Variants in COL22A1 observed in about 807,000 individuals in gnomAD.
The protein encoded by COL22A1 is collagen alpha-1(XXII) chain.
In COL22A1, 221 loss-of-function variants were observed where a neutral mutation model predicts 248.9. The observed-to-expected ratio is 0.89, with a 90% confidence interval of 0.80 to 0.99. The LOEUF (loss-of-function observed/expected upper bound fraction) is 0.99, where lower values mean the gene tolerates loss of function less well. Among genes scored for constraint, COL22A1 ranks in the 50% least tolerant of loss-of-function variants. COL22A1 has a pLI of 0.00. For missense variants in COL22A1, 2,240 were observed against 2,179.0 expected, an observed-to-expected ratio of 1.03 and a Z score of -0.56; for synonymous variants, 891 against 793.4, an observed-to-expected ratio of 1.12 and a Z score of -2.07.
chr8:138,659,496 G>C (rs940690997), intron 44 of COL22A1, among the ~76,000 whole-genome samples: 4 of 152,170 alleles, frequency 2.6e-5, no homozygotes, highest in African/African-American at 7.2e-5. Context: ...ACTCACTCTT[G>C]AGGCCTGCGA....
At chr8:138,700,268 T>C (rs1586497659) in intron 31 of COL22A1, 124 bp from the exon 32 acceptor site, 1 of 860,676 alleles carries the variant, frequency 1.2e-6, no homozygotes, top group East Asian at 2.6e-5. Flanking sequence ...CTGGAACGAT[T>C]ATTAGTTTTG....
At chr8:138,860,923 C>T (rs577608118) in intron 3 of COL22A1, among the ~76,000 whole-genome samples, 2 of 152,312 alleles carry the variant, frequency 1.3e-5, no homozygotes, top group South Asian at 4.1e-4. Context: ...TGTTTTCCAT[C>T]CGTATGTTCT....
intron 3 of COL22A1, among the ~76,000 whole-genome samples, chr8:138,856,558 AAG>A (rs1202221091): frequency 6.7e-6 from 1 of 149,976 alleles, no homozygotes; most frequent in Non-Finnish European, 1.5e-5. Flanking sequence ...GAGAGACAGC[AAG>A]AGAGAGGGAC....
intron 12 of COL22A1, among the ~76,000 whole-genome samples, chr8:138,788,536 A>T (rs1255526943): frequency 2.0e-5 from 3 of 152,194 alleles, no homozygotes; most frequent in Non-Finnish European, 4.4e-5. Context: ...GAATTATTTT[A>T]GGTGAATTTG....
intron 60 of COL22A1, among the ~76,000 whole-genome samples, chr8:138,601,766 G>A (rs1385667350): frequency 6.6e-6 from 1 of 152,208 alleles, no homozygotes; most frequent in African/African-American, 2.4e-5. Context: ...CGGGAGCCGA[G>A]CCCGTCTCGG....
intron 64 of COL22A1, 87 bp from the exon 65 acceptor site, chr8:138,589,527 T>G: frequency 8.8e-7 from 1 of 1,136,444 alleles, no homozygotes; most frequent in East Asian, 2.9e-5. Context: ...CCATTCACTA[T>G]GAACTCAGGA....
intron 11 of COL22A1, among the ~76,000 whole-genome samples, chr8:138,797,225 A>G (rs1190574111): frequency 1.3e-5 from 2 of 152,206 alleles, no homozygotes; most frequent in Admixed American, 1.3e-4. Flanking sequence ...CACCTCAGAA[A>G]CAACCCATAT....
intron 30 of COL22A1, among the ~76,000 whole-genome samples, chr8:138,711,254 T>A (rs1394666295): frequency 6.6e-5 from 10 of 152,100 alleles, no homozygotes; most frequent in African/African-American, 1.9e-4. Flanking sequence ...GCTGTGGGCC[T>A]AAGTGCCAGT....
At chr8:138,893,294 C>A (rs893821838) in intron 1 of COL22A1, among the ~76,000 whole-genome samples, 8 of 152,224 alleles carry the variant, frequency 5.3e-5, no homozygotes, top group African/African-American at 1.9e-4. Flanking sequence ...TTTCAATCAG[C>A]ATCCCTGTGT....
intron 57 of COL22A1, among the ~76,000 whole-genome samples, chr8:138,607,510 C>T (rs542806674): frequency 6.6e-6 from 1 of 152,164 alleles, no homozygotes; most frequent in Non-Finnish European, 1.5e-5. Context: ...TCTCTGCTAC[C>T]TACCTGTTGA....
intron 18 of COL22A1, among the ~76,000 whole-genome samples, chr8:138,756,784 C>A (rs1207818903): frequency 6.6e-6 from 1 of 152,080 alleles, no homozygotes; most frequent in Non-Finnish European, 1.5e-5. Context: ...CCTCTGAGAC[C>A]AAAATGGATA....
chr8:138,598,325 C>G (rs1235986597), intron 61 of COL22A1, among the ~76,000 whole-genome samples: 1 of 152,148 alleles, frequency 6.6e-6, no homozygotes, highest in Non-Finnish European at 1.5e-5. Flanking sequence ...AACCATCCCA[C>G]AGTGAAGTTC....
At chr8:138,823,160 G>A (rs1400287385) in intron 6 of COL22A1, among the ~76,000 whole-genome samples, 1 of 152,138 alleles carries the variant, frequency 6.6e-6, no homozygotes, top group Non-Finnish European at 1.5e-5. Flanking sequence ...CAATAGTAGT[G>A]CCTATTTGTG....
intron 1 of COL22A1, among the ~76,000 whole-genome samples, chr8:138,891,096 T>C (rs1438703339): frequency 6.6e-6 from 1 of 152,182 alleles, no homozygotes; most frequent in Non-Finnish European, 1.5e-5. Flanking sequence ...AATGATTTCA[T>C]TCATTTATGG....
intron 3 of COL22A1, among the ~76,000 whole-genome samples, chr8:138,844,438 G>A (rs1023698119): frequency 2.0e-5 from 3 of 152,206 alleles, no homozygotes; most frequent in Non-Finnish European, 4.4e-5. Context: ...CCTTGTCCGA[G>A]GGAGCCAGAC....
intron 41 of COL22A1, among the ~76,000 whole-genome samples, chr8:138,665,673 T>A (rs1824442754): frequency 6.6e-6 from 1 of 152,118 alleles, no homozygotes; most frequent in Non-Finnish European, 1.5e-5. Flanking sequence ...AAAACTGCAA[T>A]CTCAAATTAC....
At chr8:138,755,889 C>A in intron 18 of COL22A1, 60 bp from the exon 19 acceptor site, 1 of 1,459,490 alleles carries the variant, frequency 6.9e-7, no homozygotes, top group Non-Finnish European at 9.6e-7. Context: ...GTGGCAGTCC[C>A]ATCCCTCTGA....
chr8:138,602,048 A>G, intron 60 of COL22A1, 67 bp downstream of exon 60: 1 of 1,566,012 alleles, frequency 6.4e-7, no homozygotes, highest in Non-Finnish European at 8.8e-7. Flanking sequence ...GGCCAGGCTC[A>G]ACATCCTGTG....
intron 60 of COL22A1, 113 bp from the exon 61 acceptor site, chr8:138,599,011 T>C: frequency 9.6e-7 from 1 of 1,038,224 alleles, no homozygotes; most frequent in South Asian, 1.4e-5. Context: ...AGGGAGACCT[T>C]GGCCCTGGGT....
Sources: gnomAD v4.1 joint callset for allele counts (sites outside exome capture counted in the v4.1 genomes callset) on GRCh38, gnomAD v4.1.1 for gene constraint, MANE v1.5 for transcripts, NCBI Gene and HGNC (gene_info 2026-07-23, HGNC 2026-07-21) for gene names.